The following SP100 variants were observed in gnomAD, a reference collection of about 807,000 sequenced individuals.
SP100 encodes the protein SP100 nuclear body protein.
In SP100, 84 loss-of-function variants were observed where a neutral mutation model predicts 130.0. That is an observed-to-expected ratio of 0.65 (90% CI 0.54 to 0.77). The LOEUF (loss-of-function observed/expected upper bound fraction) is 0.77. SP100 is among the 30% of genes least tolerant of loss of function. The pLI is 0.00. For synonymous variants in SP100, 331 were observed against 351.7 expected (o/e 0.94, Z 0.66); for missense variants, 978 against 1,052.2 (o/e 0.93, Z 0.97).
chr2:230,511,959 T>C (rs762799025), intron 24 of SP100, among the ~76,000 whole-genome samples: 1 of 152,182 alleles, frequency 6.6e-6, no homozygotes, highest in African/African-American at 2.4e-5. Context: ...CTCAACCTTC[T>C]GGGCTTAAGT....
intron 24 of SP100, among the ~76,000 whole-genome samples, chr2:230,531,082 G>A (rs563501692): frequency 6.6e-6 from 1 of 152,264 alleles, no homozygotes; most frequent in Admixed American, 6.5e-5. Context: ...TCTACCCAAA[G>A]GATTATAAAT....
intron 24 of SP100, among the ~76,000 whole-genome samples, chr2:230,520,410 A>G (rs973436278): frequency 6.6e-6 from 1 of 152,154 alleles, no homozygotes. Context: ...CAGAGCTCCT[A>G]TTTTACACCG....
At chr2:230,488,831 C>G (rs1241046197) in intron 17 of SP100, among the ~76,000 whole-genome samples, 3 of 152,150 alleles carry the variant, frequency 2.0e-5, no homozygotes, top group Non-Finnish European at 4.4e-5. Flanking sequence ...ATTTATTGAT[C>G]TACATATGTT....
chr2:230,528,405 A>T (rs1220392773), intron 24 of SP100, among the ~76,000 whole-genome samples: 1 of 152,260 alleles, frequency 6.6e-6, no homozygotes, highest in Non-Finnish European at 1.5e-5. Flanking sequence ...GTGTACCAGA[A>T]TCTCTGGGAC....
At chr2:230,416,372 A>AT in intron 1 of SP100, 44 bp downstream of exon 1, 1 of 1,571,644 alleles carries the variant, frequency 6.4e-7, no homozygotes. Context: ...CTCTGGCTAT[A>AT]TTGCAGCTTT....
chr2:230,492,688 C>T (rs1164954506), intron 17 of SP100, among the ~76,000 whole-genome samples: 1 of 152,194 alleles, frequency 6.6e-6, no homozygotes, highest in Admixed American at 6.5e-5. Context: ...CCCTACTGCT[C>T]ACTTTTATTT....
intron 17 of SP100, among the ~76,000 whole-genome samples, chr2:230,493,028 TCA>T (rs2066472396): frequency 6.6e-6 from 1 of 152,228 alleles, no homozygotes; most frequent in East Asian, 1.9e-4. Context: ...GAAATATATC[TCA>T]GTGTTGGCTG....
At chr2:230,434,707 G>T (rs2063197706) in intron 2 of SP100, among the ~76,000 whole-genome samples, 1 of 152,082 alleles carries the variant, frequency 6.6e-6, no homozygotes, top group African/African-American at 2.4e-5. Flanking sequence ...CATTGAGAAG[G>T]TGATAGTGAA....
At position 230,504,282 on chromosome 2, in the gene SP100, T is replaced by G; in HGVS notation, c.1862T>G (p.Phe621Cys). The change falls in exon 21 of 29, where the codon TTC becomes TGC. Residue 621 changes from phenylalanine (F) to cysteine (C), a missense_variant. Phe to Cys is a radical substitution (Grantham distance 205, BLOSUM62 -2). Transcript: ENST00000340126. ...AAGGGCACTCTATATAAGGAGCGAT[T>G]CAAACAAGGTGAGTTTACTGGTCCA... ...EVKGTLYKERFKQGTSKKCIQ... is the reference protein window; with the variant it reads ...EVKGTLYKERCKQGTSKKCIQ... The G allele has an allele frequency of 6.3e-7, 1 of 1,587,154 alleles. No individual in the cohort carries two copies. Among genetic ancestry groups the G allele is most frequent in the Non-Finnish European group, 8.6e-7 (1 of 1,157,216 alleles).
rs766683239 is a variant in SP100 at position 230,515,418 on chromosome 2, G to A, written c.2094+4252G>A. The A allele has an allele frequency of 5.6e-6, 9 of 1,613,872 alleles. No individual in the cohort carries two copies. In the South Asian group the frequency reaches 8.8e-5, roughly 16 times the overall value. ...ATGTTGTGAAGAAACTGGCAGGGATGTGGAATAACACCGCTGCAGCTGACA... is the reference window on the plus strand; with the variant it reads ...ATGTTGTGAAGAAACTGGCAGGGATATGGAATAACACCGCTGCAGCTGACA... On this transcript the variant is annotated intron_variant, in intron 24 of 28. Transcript: ENST00000340126.
At chr2:230,465,244 A>T (rs1231627581) in intron 11 of SP100, among the ~76,000 whole-genome samples, 2 of 150,998 alleles carry the variant, frequency 1.3e-5, no homozygotes, top group African/African-American at 4.9e-5. Context: ...TCAAAAAAAA[A>T]AATTAGCCAG....
intron 23 of SP100, chr2:230,510,441 C>T (rs958448200): frequency 7.5e-5 from 10 of 133,066 alleles, no homozygotes; most frequent in African/African-American, 2.9e-4. Flanking sequence ...GGCCGATTCC[C>T]TTTGCAGCTT....
At chr2:230,429,794 G>T (rs1318451911) in intron 2 of SP100, among the ~76,000 whole-genome samples, 3 of 151,420 alleles carry the variant, frequency 2.0e-5, no homozygotes, top group African/African-American at 7.3e-5. Flanking sequence ...TTCAGATCTA[G>T]GATTTCTGGC....
At position 230,499,496 on chromosome 2, in the gene SP100, A is replaced by C. The variant is rs1004454142; in HGVS notation, c.1720+961A>C. Among the ~76,000 whole-genome samples the C allele has an allele frequency of 8.5e-4, 5 of 5,896 alleles. 1 individual carries two copies. The highest frequency in any genetic ancestry group is 2.0e-3 in the Non-Finnish European group (4 of 1,968). 3.9% of individuals were successfully genotyped at this position (5,896 alleles called of 152,430 possible). A position where few individuals can be genotyped will look rare whatever the true frequency, so the allele number is the denominator to read the frequency against. On this transcript the variant is annotated intron_variant, in intron 19 of 28. Coordinates refer to ENST00000340126, the MANE Select transcript of SP100 (RefSeq NM_001080391.2). Reference sequence around the variant, plus strand: ...TCTCTCTCTCTCTCTCTCTCCCCCTATATATATATATATAAATGTATGCAA... The same window carrying C: ...TCTCTCTCTCTCTCTCTCTCCCCCTCTATATATATATATAAATGTATGCAA...
intron 2 of SP100, among the ~76,000 whole-genome samples, chr2:230,424,684 A>AT (rs1204317407): frequency 2.6e-5 from 4 of 151,246 alleles, no homozygotes; most frequent in Non-Finnish European, 5.9e-5. Context: ...AAAAAAAAAA[A>AT]AGTGGGGGTG....
chr2:230,491,529 G>T (rs1377210835), intron 17 of SP100, among the ~76,000 whole-genome samples: 2 of 152,220 alleles, frequency 1.3e-5, no homozygotes, highest in Non-Finnish European at 2.9e-5. Context: ...CAGCAGAGGA[G>T]AAGCATGGCC....
rs772184779 is a variant in SP100 at position 230,541,365 on chromosome 2, C to G, written c.2396C>G (p.Pro799Arg). ...AAAAGCTGCTTTTTCGCCTCAGAAC[C>G]GTATTATGTAAGTAACAGCCAAACA... Reference protein sequence around the residue: ...DSKSCFFASEPYYNREGSQGP... With the variant: ...DSKSCFFASERYYNREGSQGP... Residue 799 changes from proline (P) to arginine (R), a missense_variant, in exon 27 of 29, where the codon CCG (proline) becomes CGG (arginine). Coordinates refer to ENST00000340126, the MANE Select transcript of SP100 (RefSeq NM_001080391.2). 1 of 1,613,240 alleles carries G rather than the reference C, an allele frequency of 6.2e-7. No individual in the cohort carries two copies. The highest frequency in any genetic ancestry group is 1.1e-5 in the South Asian group (1 of 91,024).
intron 2 of SP100, among the ~76,000 whole-genome samples, chr2:230,442,416 A>G (rs1208560392): frequency 6.6e-6 from 1 of 152,184 alleles, no homozygotes; most frequent in Admixed American, 6.5e-5. Context: ...TGGTCTCATT[A>G]TTATTATTAA....
intron 19 of SP100, among the ~76,000 whole-genome samples, chr2:230,501,299 T>C (rs2067007895): frequency 6.6e-6 from 1 of 152,096 alleles, no homozygotes; most frequent in African/African-American, 2.4e-5. Context: ...AATAGCCAAG[T>C]TTATAATTCT....
Sources: gnomAD v4.1 joint callset for allele counts (sites outside exome capture counted in the v4.1 genomes callset) on GRCh38, gnomAD v4.1.1 for gene constraint, MANE v1.5 for transcripts, NCBI Gene and HGNC (gene_info 2026-07-23, HGNC 2026-07-21) for gene names.